MATR3: variants seen among roughly 807,000 people sequenced by gnomAD.
The protein encoded by MATR3 is matrin-3.
MATR3 carries 4 observed loss-of-function variants against 85.5 expected under a neutral mutation model. The observed-to-expected ratio is 0.05, with a 90% CI of 0.02 to 0.11. The LOEUF (loss-of-function observed/expected upper bound fraction) is 0.11. MATR3 is among the 10% of genes least tolerant of loss of function. The pLI is 1.00. For synonymous variants in MATR3, 336 were observed against 343.1 expected (o/e 0.98, Z 0.23); for missense variants, 685 against 1,016.1 (o/e 0.67, Z 4.43).
intron 3 of MATR3, among the ~76,000 whole-genome samples, chr5:139,288,668 TCTCA>T (rs1753783192): frequency 6.6e-6 from 1 of 151,536 alleles, no homozygotes; most frequent in Non-Finnish European, 1.5e-5. Context: ...TGAGACGGAG[TCTCA>T]CTCTGTCGCC....
intron 9 of MATR3, among the ~76,000 whole-genome samples, chr5:139,320,345 T>G (rs1377307997): frequency 2.0e-5 from 3 of 152,072 alleles, no homozygotes; most frequent in Non-Finnish European, 4.4e-5. Flanking sequence ...ATGCATTGGC[T>G]CATGCCTGTA....
rs369267658 is a variant in MATR3 at position 139,317,118 on chromosome 5, G to A, written c.1182+13G>A. On this transcript the variant is annotated intron_variant, in intron 6 of 14. Transcript: ENST00000394805. ...GAAAGGCAGAGTGGTCAGTAATGAA[G>A]CTTTTGGTTTTACTGTATTTATGAT... is the stretch of plus-strand genomic sequence containing the variant. 1 of 1,613,298 alleles carries A rather than the reference G, an allele frequency of 6.2e-7. No individual in the cohort carries two copies. Among genetic ancestry groups the A allele is most frequent in the African/African-American group, 1.3e-5 (1 of 74,910 alleles).
chr5:139,326,940 ATT>A (rs1755880939), intron 14 of MATR3, among the ~76,000 whole-genome samples: 1 of 152,214 alleles, frequency 6.6e-6, no homozygotes, highest in Non-Finnish European at 1.5e-5. Context: ...GACCATTCAT[ATT>A]AAAATAATTT....
chr5:139,310,903 G>A (rs1318555815), intron 2 of MATR3: 2 of 152,438 alleles, frequency 1.3e-5, no homozygotes, highest in Non-Finnish European at 2.9e-5. Flanking sequence ...CCAGGTTCAA[G>A]CAATTCTCCT....
intron 1 of MATR3, among the ~76,000 whole-genome samples, chr5:139,296,431 C>T (rs1754156080): frequency 6.6e-6 from 1 of 152,094 alleles, no homozygotes; most frequent in African/African-American, 2.4e-5. Flanking sequence ...CAGATGTTGG[C>T]ATTGTTTACT....
chr5:139,284,919 G>T (rs1398941098), intron 3 of MATR3, among the ~76,000 whole-genome samples: 3 of 152,062 alleles, frequency 2.0e-5, no homozygotes, highest in South Asian at 4.1e-4. Context: ...TGTCATTAGG[G>T]TATACTTTGG....
chr5:139,315,461 T>A lies in MATR3; in HGVS notation c.975-236T>A, dbSNP rs948157470. 1.7e-5 allele frequency: 8 copies of A among 460,166 alleles called. No individual in the cohort carries two copies. The Admixed American group carries it at 3.1e-4, about 18-fold the overall frequency. 28.5% of individuals were successfully genotyped at this position (460,166 alleles called of 1,614,324 possible). ...TTAACAAATAGAGGAAAAACTTAATTTCAACATTATCTGCATTTGCAAGCA... is the reference window on the plus strand; with the variant it reads ...TTAACAAATAGAGGAAAAACTTAATATCAACATTATCTGCATTTGCAAGCA... On this transcript the variant is annotated intron_variant, in intron 3 of 14. Coordinates refer to ENST00000394805, the MANE Select transcript of MATR3 (RefSeq NM_018834.6).
intron 14 of MATR3, among the ~76,000 whole-genome samples, chr5:139,327,613 G>GAAC (rs1755925388): frequency 6.6e-6 from 1 of 151,956 alleles, no homozygotes; most frequent in African/African-American, 2.4e-5. Flanking sequence ...TGGAAATGGG[G>GAAC]TTTCTCCATG....
rs1754771009 is a variant in MATR3, at chr5:139,307,514, C to T, written c.99C>T (p.Thr33=). The T allele has an allele frequency of 1.2e-6, 2 of 1,613,918 alleles. No individual in the cohort carries two copies. ...GAATAGGCCTTCTTGCTGCTGCTAC[C>T]CAGTCTTTAAGTATGCCAGCATCTC... ...AAGIGLLAAA[T]QSLSMPASLG... is the part of the protein sequence containing the mutation. Residue 33 remains threonine (T), a synonymous_variant, in exon 2 of 15, where the codon ACC becomes ACT. Coordinates refer to ENST00000394805, the MANE Select transcript of MATR3 (RefSeq NM_018834.6). The surrounding 1 kb of genome is among the most constrained non-coding windows in gnomAD (Gnocchi z 4.4).
intron 2 of MATR3, 50 bp downstream of exon 2, chr5:139,308,377 A>G (rs772066892): frequency 3.2e-5 from 52 of 1,601,578 alleles, no homozygotes; most frequent in African/African-American, 8.0e-5. Flanking sequence ...TGTAGTGCCT[A>G]TTTACCTATA....
At chr5:139,275,410 C>A (rs967186249) in intron 1 of MATR3, among the ~76,000 whole-genome samples, 6 of 151,970 alleles carry the variant, frequency 3.9e-5, no homozygotes, top group African/African-American at 9.7e-5. Context: ...TTTTTATTGT[C>A]CTTCAGGAAG....
intron 1 of MATR3, among the ~76,000 whole-genome samples, chr5:139,297,340 G>GT (rs1326051667): frequency 2.6e-5 from 4 of 152,180 alleles, no homozygotes; most frequent in African/African-American, 9.7e-5. Flanking sequence ...ATAAAGTGCT[G>GT]TAATTTATAA....
chr5:139,288,259 G>T (rs1414692229), intron 3 of MATR3, among the ~76,000 whole-genome samples: 5 of 151,998 alleles, frequency 3.3e-5, no homozygotes, highest in Non-Finnish European at 7.4e-5. Context: ...TTTCCTTTGT[G>T]TCTTTTTGCT....
chr5:139,294,324 C>T (rs1321942793), intron 1 of MATR3, among the ~76,000 whole-genome samples: 3 of 152,098 alleles, frequency 2.0e-5, no homozygotes, highest in African/African-American at 4.8e-5. Flanking sequence ...GCCTTTTTTT[C>T]TCTGAAAATG....
Position 139,316,329 on chromosome 5 carries a change from T to C in MATR3, c.1129+141T>C, listed in dbSNP as rs898809429. ...GGCACGATCTCGACTCACTGCAACC[T>C]CTGCCTCCTGGGTGCAAGCAGTTCT... is the stretch of plus-strand genomic sequence containing the variant. On this transcript the variant is annotated intron_variant, in intron 5 of 14. Transcript: ENST00000394805. 6.0e-6 allele frequency: 4 copies of C among 667,822 alleles called. No individual in the cohort carries two copies. In the African/African-American group the frequency reaches 7.2e-5, roughly 12 times the overall value. 41.4% of individuals were successfully genotyped at this position (667,822 alleles called of 1,614,324 possible).
At chr5:139,323,815 T>C (rs1755702787) in intron 12 of MATR3, among the ~76,000 whole-genome samples, 1 of 152,050 alleles carries the variant, frequency 6.6e-6, no homozygotes, top group Non-Finnish European at 1.5e-5. Context: ...TGCTTGAATC[T>C]GGGAGGCAGA....
Position 139,326,255 on chromosome 5 carries a change from A to G in MATR3, c.2464A>G (p.Ser822Gly). The change falls in exon 14 of 15, where the codon AGC becomes GGC. Residue 822 changes from serine (S) to glycine (G), a missense_variant. Transcript: ENST00000394805. ...NEEVAKNTHC[S>G]SLPHYQKLKK... Reference sequence around the variant, plus strand: ...AGAAGTTGCAAAGAATACTCATTGCAGCAGCCTTCCTCATTATCAGAAATT... The same window carrying G: ...AGAAGTTGCAAAGAATACTCATTGCGGCAGCCTTCCTCATTATCAGAAATT... 6.2e-7 allele frequency: 1 copy of G among 1,613,732 alleles called. No individual in the cohort carries two copies. Among genetic ancestry groups the G allele is most frequent in the Non-Finnish European group, 8.5e-7 (1 of 1,179,792 alleles).
intron 14 of MATR3, 102 bp downstream of exon 14, chr5:139,326,386 G>C: frequency 9.5e-7 from 1 of 1,056,354 alleles, no homozygotes; most frequent in South Asian, 1.4e-5. Context: ...TCTAGACTCA[G>C]TGCAGTGCTT....
intron 14 of MATR3, among the ~76,000 whole-genome samples, chr5:139,327,869 T>A (rs150010586): frequency 2.9e-3 from 447 of 152,200 alleles, no homozygotes; most frequent in African/African-American, 9.9e-3. Flanking sequence ...TATTTATTTT[T>A]TTTTTATTTG....
Sources: gnomAD v4.1 joint callset for allele counts (sites outside exome capture counted in the v4.1 genomes callset) on GRCh38, gnomAD v4.1.1 for gene constraint, Gnocchi (gnomAD v3.1) non-coding constraint, MANE v1.5 for transcripts, NCBI Gene and HGNC (gene_info 2026-07-23, HGNC 2026-07-21) for gene names.